The following KPNA7 variants were observed in gnomAD, a reference collection of about 807,000 sequenced individuals.
The protein encoded by KPNA7 is karyopherin subunit alpha 7, also known as importin subunit alpha-8.
KPNA7 carries 54 observed loss-of-function variants against 53.7 expected under a neutral mutation model. The ratio of observed to expected loss-of-function variants is 1.01; its 90% confidence interval spans 0.81 to 1.26. The LOEUF (loss-of-function observed/expected upper bound fraction) is 1.26. Among genes scored for constraint, KPNA7 ranks in the 50% most tolerant of loss-of-function variants. The probability of loss-of-function intolerance (pLI) is 0.00; values close to 1 mark genes in which losing one functional copy is unlikely to be tolerated. For synonymous variants in KPNA7, 276 were observed against 259.3 expected, an observed-to-expected ratio of 1.06 and a Z score of -0.62; for missense variants, 640 against 644.5, an observed-to-expected ratio of 0.99 and a Z score of 0.07.
At chr7:99,154,035 A>G in the KPNA7 span, among the ~76,000 whole-genome samples, 1 of 152,124 alleles carries the variant, frequency 6.6e-6, no homozygotes, top group African/African-American at 2.4e-5. Flanking sequence ...AAACACTTTA[A>G]ATGTTTTCTA....
downstream of KPNA7, among the ~76,000 whole-genome samples, chr7:99,173,062 C>CAAAA (rs923484332): frequency 7.8e-3 from 446 of 57,006 alleles, 21 homozygotes; most frequent in African/African-American, 0.024. Flanking sequence ...AACTCCATCT[C>CAAAA]AAAAAAAAAA....
At chr7:99,167,712 C>T in the KPNA7 span, among the ~76,000 whole-genome samples, 1 of 140,950 alleles carries the variant, frequency 7.1e-6, no homozygotes, top group Non-Finnish European at 1.5e-5. Context: ...AATTCCTGAC[C>T]TCAGGTGATC....
In KPNA7 at chr7:99,197,124, C is replaced by A. The variant is rs1295537845; in HGVS notation, c.202-958G>T. Among the ~76,000 whole-genome samples the A allele has an allele frequency of 6.6e-5, 10 of 152,192 alleles. No homozygotes were observed. In the East Asian group the frequency reaches 1.9e-3, roughly 29 times the overall value. On this transcript the variant is annotated intron_variant, in intron 3 of 10. Transcript: ENST00000327442. ...GCAAACAGGAAGTGAAGGCTTACGT[C>A]AGAATTGTCAACTGCCTGGCTGAGT...
intron 6 of KPNA7, among the ~76,000 whole-genome samples, chr7:99,192,738 C>A (rs987588172): frequency 1.3e-5 from 2 of 152,062 alleles, no homozygotes; most frequent in African/African-American, 4.8e-5. Flanking sequence ...TTCTAAGAGG[C>A]CAGGCAGCAG....
chr7:99,178,771 C>CAAAAAAAAAAAAA (rs756807848), intron 9 of KPNA7, among the ~76,000 whole-genome samples: 2 of 27,678 alleles, frequency 7.2e-5, no homozygotes, highest in African/African-American at 2.6e-4. Flanking sequence ...ATCTTTGTCT[C>CAAAAAAAAAAAAA]AAAAAAAAAA....
chr7:99,188,084 A>C (rs1281621800), intron 7 of KPNA7, among the ~76,000 whole-genome samples: 1 of 147,244 alleles, frequency 6.8e-6, no homozygotes, highest in East Asian at 2.1e-4. Context: ...CTGAGATAGG[A>C]GAATCGCTTG....
chr7:99,187,799 TAAAAAAAAAA>T (rs55867906), intron 7 of KPNA7, among the ~76,000 whole-genome samples: 937 of 65,034 alleles, frequency 0.014, 124 homozygotes, highest in South Asian at 0.022. Flanking sequence ...CCTTTTTTTT[TAAAAAAAAAA>T]AAAAAAAAAA....
intron 8 of KPNA7, 79 bp downstream of exon 8, chr7:99,184,850 T>C (rs1563072661): frequency 1.7e-6 from 2 of 1,177,682 alleles, no homozygotes; most frequent in Non-Finnish European, 1.2e-6. Context: ...TCTGCACCTG[T>C]GTCTGGATTC....
intron 3 of KPNA7, among the ~76,000 whole-genome samples, chr7:99,196,991 G>A (rs138989809): frequency 4.1e-4 from 63 of 152,042 alleles, no homozygotes; most frequent in Middle Eastern, 3.4e-3. Context: ...GAAAGGGAAT[G>A]TCATGTATAG....
intron 3 of KPNA7, among the ~76,000 whole-genome samples, chr7:99,202,001 C>T (rs1790563338): frequency 6.6e-6 from 1 of 152,110 alleles, no homozygotes; most frequent in African/African-American, 2.4e-5. Context: ...AACCACTGTG[C>T]TTGGCCTTTT....
intron 1 of KPNA7, among the ~76,000 whole-genome samples, chr7:99,214,119 C>T (rs1461832348): frequency 3.3e-5 from 5 of 151,984 alleles, no homozygotes; most frequent in Non-Finnish European, 5.9e-5. Flanking sequence ...GTAACAAGGT[C>T]TAATTAGGAA....
At chr7:99,172,675 T>C (rs1009290339), downstream of KPNA7, among the ~76,000 whole-genome samples, 3 of 152,162 alleles carry the variant, frequency 2.0e-5, no homozygotes, top group Admixed American at 6.6e-5. Flanking sequence ...TCTTAGATCT[T>C]GTCAGTGTCA....
intron 7 of KPNA7, among the ~76,000 whole-genome samples, chr7:99,188,007 C>G (rs1339237344): frequency 6.6e-6 from 1 of 150,572 alleles, no homozygotes; most frequent in African/African-American, 2.4e-5. Context: ...AAAACCCTGT[C>G]CCTACTAAAA....
the KPNA7 span, among the ~76,000 whole-genome samples, chr7:99,148,845 CA>C: frequency 1 from 149,981 of 149,986 alleles, 74,988 homozygotes; most frequent in Middle Eastern, 1. Context: ...TTTAGCCTCC[CA>C]AAAGGGCTAA....
chr7:99,171,324 G>A (rs1286344890), downstream of KPNA7, among the ~76,000 whole-genome samples: 2 of 152,354 alleles, frequency 1.3e-5, no homozygotes, highest in African/African-American at 4.8e-5. Context: ...AAGCCAGTGG[G>A]TCTCAGTGGC....
intron 9 of KPNA7, among the ~76,000 whole-genome samples, chr7:99,180,622 TCTCTCCCC>T (rs1799140165): frequency 1.3e-5 from 1 of 76,334 alleles, no homozygotes; most frequent in Admixed American, 1.2e-4. Flanking sequence ...TCCCCATCTC[TCTCTCCCC>T]GTCTCTCTCT....
intron 3 of KPNA7, among the ~76,000 whole-genome samples, chr7:99,199,174 A>G (rs992595912): frequency 6.6e-6 from 1 of 152,082 alleles, no homozygotes; most frequent in Non-Finnish European, 1.5e-5. Context: ...TATAAATTCA[A>G]TGACTCCATT....
the KPNA7 span, among the ~76,000 whole-genome samples, chr7:99,158,138 G>C: frequency 1.4e-3 from 214 of 152,040 alleles, 1 homozygote; most frequent in Non-Finnish European, 2.2e-3. Flanking sequence ...TCCCACCTCA[G>C]CCTCCCAAAG....
In KPNA7 at chr7:99,195,163, C is replaced by T. The variant is rs1013058063; in HGVS notation, c.460G>A (p.Glu154Lys). 36 of 1,551,626 alleles carry T rather than the reference C, an allele frequency of 2.3e-5. No homozygotes were observed. The African/African-American group carries it at 4.8e-4, about 21-fold the overall frequency. The change falls in exon 5 of 11, where the codon GAA becomes AAA. Residue 154 changes from glutamate (E) to lysine (K), a missense_variant. Transcript: ENST00000327442. Reference sequence around the variant, plus strand: ...ATCAAGGGCTGGATGGCTCCCCCTTCTACCACGGCACGAGTCTGCTCCGAA... The same window carrying T: ...ATCAAGGGCTGGATGGCTCCCCCTTTTACCACGGCACGAGTCTGCTCCGAA... ...GTSEQTRAVV[E>K]GGAIQPLIEL...
Sources: allele counts gnomAD v4.1 joint callset (sites outside exome capture counted in the v4.1 genomes callset), GRCh38; gene constraint gnomAD v4.1.1; transcripts MANE v1.5; gene names NCBI Gene and HGNC (gene_info 2026-07-23, HGNC 2026-07-21).